PCDH15: variants seen among roughly 807,000 people sequenced by gnomAD.
The protein encoded by PCDH15 is protocadherin related 15.
PCDH15 carries 129 observed loss-of-function variants against 178.5 expected under a neutral mutation model. That is an observed-to-expected ratio of 0.72 (90% confidence interval 0.63 to 0.84). The LOEUF (loss-of-function observed/expected upper bound fraction) is 0.84, where lower values mean the gene tolerates loss of function less well. Ranked by LOEUF, PCDH15 falls within the 40% of genes least tolerant of loss-of-function variation. The pLI is 0.00. For synonymous variants in PCDH15, 800 were observed against 732.0 expected, an observed-to-expected ratio of 1.09 and a Z score of -1.50; for missense variants, 2,230 against 2,099.9, an observed-to-expected ratio of 1.06 and a Z score of -1.21.
intron 2 of PCDH15, among the ~76,000 whole-genome samples, chr10:55,409,624 T>C (rs1838285192): frequency 6.6e-6 from 1 of 152,088 alleles, no homozygotes; most frequent in Non-Finnish European, 1.5e-5. Flanking sequence ...ACAAAATAGA[T>C]ATGCATTCAG....
chr10:54,569,194 T>C lies in PCDH15; in HGVS notation c.92-41317A>G, dbSNP rs559168835. Among the ~76,000 whole-genome samples, 280 of 152,148 alleles carry C rather than the reference T, an allele frequency of 1.8e-3. 1 individual carries two copies. The highest frequency in any genetic ancestry group is 6.5e-3 in the African/African-American group (271 of 41,528). On this transcript the variant is annotated intron_variant, in intron 2 of 37. Transcript: ENST00000644397. ...ATACTTGGATAGTTTGTTATTACTA[T>C]TGAACTTTTTATAAAATTAAAGTAT... is the stretch of plus-strand genomic sequence containing the variant.
At chr10:55,232,264 T>C (rs1045382431) in intron 1 of PCDH15, among the ~76,000 whole-genome samples, 1 of 152,046 alleles carries the variant, frequency 6.6e-6, no homozygotes, top group African/African-American at 2.4e-5. Context: ...TAAATACTTT[T>C]TAAACTTTAT....
In PCDH15 at chr10:55,585,216, G is replaced by A. The variant is rs920614406; in HGVS notation, c.-156+42409C>T. Among the ~76,000 whole-genome samples, 9 of 152,054 alleles carry A rather than the reference G, an allele frequency of 5.9e-5. No homozygotes were observed. In the South Asian group the frequency reaches 1.0e-3, roughly 17 times the overall value. ...ATTGTTTTGTTCACTCTTCCTGGGG[G>A]TAAAAAATTACATGGATAACAGAGA... On this transcript the variant is annotated intron_variant, in intron 2 of 5. Transcript: ENST00000613346.
chr10:54,110,204 G>A (rs960286106), intron 15 of PCDH15, among the ~76,000 whole-genome samples: 1 of 151,748 alleles, frequency 6.6e-6, no homozygotes, highest in Non-Finnish European at 1.5e-5. Context: ...CCATTTGTAT[G>A]GGGTCATAGG....
intron 8 of PCDH15, among the ~76,000 whole-genome samples, chr10:54,239,952 T>G: frequency 6.6e-6 from 1 of 152,114 alleles, no homozygotes; most frequent in East Asian, 1.9e-4. Context: ...TACATGACAT[T>G]AAAGAATACT....
chr10:54,005,580 G>A (rs2092356734), intron 20 of PCDH15, among the ~76,000 whole-genome samples: 1 of 152,104 alleles, frequency 6.6e-6, no homozygotes, highest in East Asian at 1.9e-4. Context: ...TTGATCATCA[G>A]AGAAATGCAA....
At chr10:54,510,234 C>T (rs1430729490) in intron 3 of PCDH15, among the ~76,000 whole-genome samples, 2 of 152,182 alleles carry the variant, frequency 1.3e-5, no homozygotes, top group African/African-American at 4.8e-5. Context: ...AAACCCTTGA[C>T]ATCAGCAGAA....
intron 1 of PCDH15, among the ~76,000 whole-genome samples, chr10:55,203,503 T>C (rs1055148946): frequency 6.6e-6 from 1 of 151,916 alleles, no homozygotes; most frequent in African/African-American, 2.4e-5. Flanking sequence ...ATGTGAGTCA[T>C]CAGAAGCCGA....
At chr10:54,883,501 A>G (rs1316871468) in intron 3 of PCDH15, among the ~76,000 whole-genome samples, 1 of 151,968 alleles carries the variant, frequency 6.6e-6, no homozygotes, top group Non-Finnish European at 1.5e-5. Context: ...GAGATAAATA[A>G]TATCTCCAAT....
rs558663070 is a variant in PCDH15, at chr10:54,984,410, A to G, written c.-79-86910T>C. 2.5e-4 allele frequency among the ~76,000 whole-genome samples: 38 copies of G among 152,302 alleles called. 2 individuals are homozygous for G. The highest frequency in any genetic ancestry group is 8.9e-4 in the African/African-American group (37 of 41,558). The stretch of plus-strand genomic sequence containing the variant: ...CCTGCCCCATGCCTGTGAGGAAGAA[A>G]TGCAACACAGAGAAGCCAAGAATCT... On this transcript the variant is annotated intron_variant, in intron 2 of 5. Transcript: ENST00000458638.
At chr10:54,977,868 C>T (rs950582919) in intron 2 of PCDH15, among the ~76,000 whole-genome samples, 8 of 152,068 alleles carry the variant, frequency 5.3e-5, no homozygotes, top group Admixed American at 3.3e-4. Flanking sequence ...CAAATTCTTA[C>T]AGAAACATTG....
chr10:54,418,250 T>C (rs1317855265), intron 3 of PCDH15, among the ~76,000 whole-genome samples: 1 of 152,202 alleles, frequency 6.6e-6, no homozygotes, highest in African/African-American at 2.4e-5. Flanking sequence ...AAATGGTGTG[T>C]ATATGGGAAT....
chr10:54,876,624 A>G (rs1286742351), intron 3 of PCDH15, among the ~76,000 whole-genome samples: 2 of 152,160 alleles, frequency 1.3e-5, no homozygotes, highest in Non-Finnish European at 2.9e-5. Flanking sequence ...CAAAACGTCA[A>G]TGGAGGAAGT....
chr10:55,357,244 C>T lies in PCDH15; in HGVS notation c.-155-190593G>A, dbSNP rs192333432. Among the ~76,000 whole-genome samples the T allele has an allele frequency of 2.3e-3, 350 of 151,836 alleles. 1 individual carries two copies. Among genetic ancestry groups the T allele is most frequent in the African/African-American group, 7.9e-3 (326 of 41,474 alleles). Reference sequence around the variant, plus strand: ...TATTTCCTTAATCTTATCTATGAAACATAAATATACAACAAAAGTATTTAG... The same window carrying T: ...TATTTCCTTAATCTTATCTATGAAATATAAATATACAACAAAAGTATTTAG... On this transcript the variant is annotated intron_variant, in intron 2 of 5. Transcript: ENST00000613346.
At chr10:55,603,811 C>T (rs1333061513) in intron 2 of PCDH15, among the ~76,000 whole-genome samples, 25 of 147,272 alleles carry the variant, frequency 1.7e-4, no homozygotes, top group African/African-American at 6.3e-4. Flanking sequence ...TAAAGACCAT[C>T]GAGACTAGGA....
At chr10:54,514,171 A>G (rs564372913) in intron 3 of PCDH15, among the ~76,000 whole-genome samples, 2 of 152,212 alleles carry the variant, frequency 1.3e-5, no homozygotes, top group Non-Finnish European at 2.9e-5. Flanking sequence ...TCTCTGAACA[A>G]CTATATCACA....
At chr10:53,847,950 A>AT (rs2078087364) in intron 28 of PCDH15, among the ~76,000 whole-genome samples, 1 of 152,120 alleles carries the variant, frequency 6.6e-6, no homozygotes. Flanking sequence ...TTTATTAGAC[A>AT]TATATGGAAG....
intron 2 of PCDH15, among the ~76,000 whole-genome samples, chr10:55,385,042 C>A (rs924856126): frequency 6.6e-6 from 1 of 152,082 alleles, no homozygotes; most frequent in Non-Finnish European, 1.5e-5. Flanking sequence ...CTTTAAAAAT[C>A]TTGAGTAAAT....
At chr10:54,662,844 T>C (rs2094511827) in intron 2 of PCDH15, among the ~76,000 whole-genome samples, 1 of 151,984 alleles carries the variant, frequency 6.6e-6, no homozygotes, top group Admixed American at 6.6e-5. Flanking sequence ...TAAAATGAGC[T>C]CTTGAACTAT....
Sources: gnomAD v4.1 joint callset for allele counts (sites outside exome capture counted in the v4.1 genomes callset) on GRCh38, gnomAD v4.1.1 for gene constraint, MANE v1.5 for transcripts, NCBI Gene and HGNC (gene_info 2026-07-23, HGNC 2026-07-21) for gene names.